Variants in CYP27C1 observed in about 807,000 individuals in gnomAD.
The protein encoded by CYP27C1 is cytochrome P450 27C1.
A neutral mutation model predicts 40.6 loss-of-function variants in CYP27C1; 29 were observed. That is an observed-to-expected ratio of 0.71 (90% CI 0.53 to 0.97). The LOEUF (loss-of-function observed/expected upper bound fraction) is 0.97, where lower values mean the gene tolerates loss of function less well. Ranked by LOEUF, CYP27C1 falls within the 50% of genes least tolerant of loss-of-function variation. The pLI, the probability that CYP27C1 is intolerant of heterozygous loss-of-function variation, is 0.00. For missense variants in CYP27C1, 390 were observed against 485.8 expected, an observed-to-expected ratio of 0.80 and a Z score of 1.85; for synonymous variants, 198 against 186.8, an observed-to-expected ratio of 1.06 and a Z score of -0.49.
At position 127,196,065 on chromosome 2, in the gene CYP27C1, CTTTT is replaced by C. The variant is rs34966992; in HGVS notation, c.1048-568_1048-565del. On this transcript the variant is annotated intron_variant, in intron 5 of 8. Coordinates refer to ENST00000664447, the MANE Select transcript of CYP27C1 (RefSeq NM_001367502.1). This position sits in a 1 kb window ranked among gnomAD's most constrained non-coding sequence, Gnocchi z 4.5. ...ATAACTCGTCTATGCAAAGCAGTGT[CTTTT>C]TTTTTTTTTTTGAGACGGAGTCTCG... 1.4e-5 allele frequency among the ~76,000 whole-genome samples: 2 copies of C among 147,400 alleles called. No individual in the cohort carries two copies. Among genetic ancestry groups the C allele is most frequent in the African/African-American group, 2.5e-5 (1 of 39,986 alleles).
chr2:127,215,066 T>C (rs370344444), intron 1 of CYP27C1, among the ~76,000 whole-genome samples: 1 of 150,600 alleles, frequency 6.6e-6, no homozygotes, highest in East Asian at 2.0e-4. Context: ...GAGGCGGAGC[T>C]TGCAGTGAGC....
At chr2:127,199,995 C>T (rs569881967) in intron 4 of CYP27C1, among the ~76,000 whole-genome samples, 1 of 152,092 alleles carries the variant, frequency 6.6e-6, no homozygotes, top group Non-Finnish European at 1.5e-5. Context: ...TTGTTGTTTC[C>T]TTAAGACAGA....
intron 1 of CYP27C1, among the ~76,000 whole-genome samples, chr2:127,214,804 T>G (rs1354167729): frequency 6.7e-6 from 1 of 148,268 alleles, no homozygotes; most frequent in Non-Finnish European, 1.5e-5. Flanking sequence ...TTTTTTGGTT[T>G]TTTTTTTTTT....
At chr2:127,210,746 A>G (rs1319807386) in intron 1 of CYP27C1, among the ~76,000 whole-genome samples, 2 of 152,208 alleles carry the variant, frequency 1.3e-5, no homozygotes, top group African/African-American at 4.8e-5. Context: ...CTTTAAACCA[A>G]CAAAGATCAA....
chr2:127,217,217 G>A (rs1355947313), intron 1 of CYP27C1, among the ~76,000 whole-genome samples: 2 of 152,192 alleles, frequency 1.3e-5, no homozygotes, highest in Non-Finnish European at 2.9e-5. Context: ...ACAGTACTTA[G>A]AGTTTGCTTG....
intron 6 of CYP27C1, 65 bp from the exon 7 acceptor site, chr2:127,193,932 A>G: frequency 6.5e-7 from 1 of 1,546,922 alleles, no homozygotes; most frequent in Non-Finnish European, 8.9e-7. Context: ...TTGAACGTTC[A>G]GAACCCTGGA....
At chr2:127,193,949 C>T (rs1157000153) in intron 6 of CYP27C1, 82 bp from the exon 7 acceptor site, 2 of 1,438,226 alleles carry the variant, frequency 1.4e-6, no homozygotes, top group African/African-American at 2.8e-5. Context: ...TGGATATATT[C>T]CCATTTCCAT....
chr2:127,192,619 CGGGG>C (rs56919710), intron 8 of CYP27C1, among the ~76,000 whole-genome samples: 7,149 of 149,750 alleles, frequency 0.048, 159 homozygotes, highest in East Asian at 0.065. Flanking sequence ...GTGCCTTTCC[CGGGG>C]GGGGGGGCTG....
chr2:127,204,320 A>AGGAAGGAG (rs1312808292), intron 2 of CYP27C1, among the ~76,000 whole-genome samples: 8 of 41,958 alleles, frequency 1.9e-4, no homozygotes, highest in African/African-American at 9.9e-4. Context: ...GAAGGAAGGA[A>AGGAAGGAG]GGAGGGAGGG....
rs1247047697 is a variant in CYP27C1, at chr2:127,220,297, T to C, written c.-27A>G. Among the ~76,000 whole-genome samples the C allele has an allele frequency of 6.6e-6, 1 of 151,778 alleles. No individual in the cohort carries two copies. The highest frequency in any genetic ancestry group is 1.9e-4 in the East Asian group (1 of 5,184). The stretch of plus-strand genomic sequence containing the variant: ...GCGCTCGTCTGCATCGGCTTGTTTG[T>C]CTGAGCAACTTTGTTTCGGGGGCTG... On this transcript the variant is annotated 5_prime_UTR_variant, in exon 1 of 9. Transcript: ENST00000664447. The surrounding 1 kb of genome is among the most constrained non-coding windows in gnomAD (Gnocchi z 4.6).
At chr2:127,193,376 G>C in intron 7 of CYP27C1, 79 bp from the exon 8 acceptor site, 1 of 1,567,178 alleles carries the variant, frequency 6.4e-7, no homozygotes, top group Non-Finnish European at 8.7e-7. Flanking sequence ...AGCCCTAGCC[G>C]GACAGTCTCC....
At position 127,195,643 on chromosome 2, in the gene CYP27C1, T is replaced by G. The variant is rs1411906490; in HGVS notation, c.1048-142A>C. 4.3e-6 allele frequency: 3 copies of G among 701,872 alleles called. No homozygotes were observed. Among genetic ancestry groups the G allele is most frequent in the Admixed American group, 3.2e-5 (1 of 31,654 alleles). 43.5% of individuals were successfully genotyped at this position (701,872 alleles called of 1,614,324 possible). On this transcript the variant is annotated intron_variant, in intron 5 of 8. Transcript: ENST00000664447. This position sits in a 1 kb window ranked among gnomAD's most constrained non-coding sequence, Gnocchi z 6.2. ...CCAATTCCATATAGCACCTAATGTC[T>G]TACTAAAAACGAAAGACTGTTTCCT...
In CYP27C1 at chr2:127,213,582, G is replaced by A. The variant is rs776565054; in HGVS notation, c.282+6407C>T. ...CAATGGGGAAAGGAACTCCTATTCA[G>A]TATATGGTGCTGGGAAAACTGGCTA... On this transcript the variant is annotated intron_variant, in intron 1 of 8. Transcript: ENST00000664447. Among the ~76,000 whole-genome samples, 80 of 152,106 alleles carry A rather than the reference G, an allele frequency of 5.3e-4. 1 individual carries two copies. Among genetic ancestry groups the A allele is most frequent in the Non-Finnish European group, 2.2e-4 (15 of 68,004 alleles).
chr2:127,204,320 AGGAGGGAGGGAG>A (rs1222549053), intron 2 of CYP27C1, among the ~76,000 whole-genome samples: 2 of 41,968 alleles, frequency 4.8e-5, no homozygotes, highest in South Asian at 1.3e-3. Context: ...GAAGGAAGGA[AGGAGGGAGGGAG>A]GGAGGGAGGG....
chr2:127,190,561 C>T (rs1406047199), intron 8 of CYP27C1, among the ~76,000 whole-genome samples: 4 of 150,550 alleles, frequency 2.7e-5, no homozygotes, highest in Non-Finnish European at 5.9e-5. Context: ...AGGCTGGTCT[C>T]GAACTCCTGA....
chr2:127,201,641 C>G lies in CYP27C1; in HGVS notation c.674-310G>C, dbSNP rs1009687774. On this transcript the variant is annotated intron_variant, in intron 3 of 8. Coordinates refer to ENST00000664447, the MANE Select transcript of CYP27C1 (RefSeq NM_001367502.1). This position sits in a 1 kb window ranked among gnomAD's most constrained non-coding sequence, Gnocchi z 6.0. ...GCTTGGCTAAGGCTGCAGAGGAGGA[C>G]CCTGGGACAGATCTGGAGCACAGGT... 6.6e-5 allele frequency among the ~76,000 whole-genome samples: 10 copies of G among 152,140 alleles called. No homozygotes were observed. Among genetic ancestry groups the G allele is most frequent in the Non-Finnish European group, 1.2e-4 (8 of 68,020 alleles).
At chr2:127,187,781 G>A (rs961742055) in intron 8 of CYP27C1, among the ~76,000 whole-genome samples, 3 of 152,210 alleles carry the variant, frequency 2.0e-5, no homozygotes, top group African/African-American at 4.8e-5. Context: ...CGGGTTTCCT[G>A]CTGGTTCTGA....
chr2:127,213,005 C>T (rs1423611274), intron 1 of CYP27C1, among the ~76,000 whole-genome samples: 1 of 152,152 alleles, frequency 6.6e-6, no homozygotes, highest in African/African-American at 2.4e-5. Flanking sequence ...AAATCGCAAG[C>T]ATTCCTTTAC....
intron 1 of CYP27C1, among the ~76,000 whole-genome samples, chr2:127,213,243 C>T (rs560490459): frequency 6.6e-6 from 1 of 151,544 alleles, no homozygotes; most frequent in South Asian, 2.1e-4. Context: ...CCATACTGCC[C>T]AAAGTAATTT....
Sources: allele counts gnomAD v4.1 joint callset (sites outside exome capture counted in the v4.1 genomes callset), GRCh38; gene constraint gnomAD v4.1.1; non-coding constraint Gnocchi (gnomAD v3.1); transcripts MANE v1.5; gene names NCBI Gene and HGNC (gene_info 2026-07-23, HGNC 2026-07-21).